The following RSRC1 variants were observed in gnomAD, a reference collection of about 807,000 sequenced individuals.
RSRC1 encodes arginine and serine rich coiled-coil 1.
RSRC1 carries 39 observed loss-of-function variants against 49.1 expected under a neutral mutation model. The observed-to-expected ratio is 0.79, with a 90% CI of 0.61 to 1.04. The LOEUF is 1.04. Ranked by LOEUF, RSRC1 falls within the 50% of genes least tolerant of loss-of-function variation. The pLI is 0.00. For synonymous variants in RSRC1, 143 were observed against 130.8 expected (o/e 1.09, Z -0.63); for missense variants, 388 against 402.4 (o/e 0.96, Z 0.31).
At chr3:158,140,961 G>GC (rs1233660499) in intron 3 of RSRC1, among the ~76,000 whole-genome samples, 2 of 152,142 alleles carry the variant, frequency 1.3e-5, no homozygotes, top group African/African-American at 4.8e-5. Context: ...AAGCTCTCAG[G>GC]CACCAGAGAG....
chr3:158,228,827 G>A (rs1178073762), intron 4 of RSRC1, among the ~76,000 whole-genome samples: 1 of 136,610 alleles, frequency 7.3e-6, no homozygotes, highest in Non-Finnish European at 1.6e-5. Context: ...ATAGACACAC[G>A]TGTGTATATA....
intron 4 of RSRC1, among the ~76,000 whole-genome samples, chr3:158,213,215 G>A (rs1721778010): frequency 1.3e-5 from 2 of 151,952 alleles, no homozygotes; most frequent in African/African-American, 4.8e-5. Context: ...TATAAAATGA[G>A]TATAGCCAGA....
chr3:158,128,137 T>C (rs148131369), intron 3 of RSRC1, among the ~76,000 whole-genome samples: 35 of 152,320 alleles, frequency 2.3e-4, no homozygotes, highest in African/African-American at 7.7e-4. Flanking sequence ...TAACCTGTGC[T>C]GTTTCCATTA....
chr3:158,132,267 T>A, intron 3 of RSRC1: 3 of 263,724 alleles, frequency 1.1e-5, no homozygotes, highest in South Asian at 1.0e-4. Flanking sequence ...ATTACAGGTA[T>A]GTGCCACCCT....
intron 6 of RSRC1, among the ~76,000 whole-genome samples, chr3:158,381,191 C>G (rs9852177): frequency 0.093 from 14,074 of 152,102 alleles, 2,218 homozygotes; most frequent in African/African-American, 0.33. Context: ...ATGCATTGTG[C>G]CATTTGCATA....
intron 4 of RSRC1, among the ~76,000 whole-genome samples, chr3:158,261,630 C>T (rs149383564): frequency 1.1e-3 from 166 of 152,320 alleles, no homozygotes; most frequent in African/African-American, 3.8e-3. Flanking sequence ...CACTCACCAT[C>T]GCTTGCATTA....
chr3:158,420,850 C>G (rs1472646577), intron 6 of RSRC1, among the ~76,000 whole-genome samples: 1 of 151,826 alleles, frequency 6.6e-6, no homozygotes, highest in African/African-American at 2.4e-5. Context: ...CTGTTAGATG[C>G]TAGGAGACAG....
intron 7 of RSRC1, among the ~76,000 whole-genome samples, chr3:158,498,244 T>C (rs540903878): frequency 2.2e-4 from 34 of 152,122 alleles, no homozygotes; most frequent in African/African-American, 7.5e-4. Context: ...TTTTTTTTTT[T>C]TTTATGGCCG....
intron 3 of RSRC1, among the ~76,000 whole-genome samples, chr3:158,188,567 CA>C (rs1720055825): frequency 6.6e-6 from 1 of 151,952 alleles, no homozygotes; most frequent in Admixed American, 6.6e-5. Flanking sequence ...TTTTGGGAAT[CA>C]TAATCCTAGG....
intron 4 of RSRC1, among the ~76,000 whole-genome samples, chr3:158,273,770 G>A (rs569336411): frequency 1.3e-5 from 2 of 152,218 alleles, no homozygotes; most frequent in African/African-American, 4.8e-5. Flanking sequence ...GGGAAAATAT[G>A]TAGAACCAGT....
intron 3 of RSRC1, among the ~76,000 whole-genome samples, chr3:158,190,041 C>T (rs1042139682): frequency 4.0e-5 from 6 of 151,710 alleles, no homozygotes; most frequent in African/African-American, 1.5e-4. Flanking sequence ...TGGGATGTAA[C>T]ATGGCCAACA....
intron 4 of RSRC1, among the ~76,000 whole-genome samples, chr3:158,203,543 A>C (rs982281734): frequency 6.6e-6 from 1 of 152,164 alleles, no homozygotes; most frequent in Non-Finnish European, 1.5e-5. Context: ...AAATTTGCCT[A>C]ATTCTGTAGG....
intron 7 of RSRC1, among the ~76,000 whole-genome samples, chr3:158,524,362 A>G (rs959999206): frequency 8.5e-5 from 13 of 152,136 alleles, no homozygotes; most frequent in East Asian, 7.8e-4. Context: ...TTCACCTTCA[A>G]TATCATCTCA....
At chr3:158,111,455 T>G (rs1448344107) in intron 1 of RSRC1, among the ~76,000 whole-genome samples, 1 of 152,250 alleles carries the variant, frequency 6.6e-6, no homozygotes, top group Non-Finnish European at 1.5e-5. Flanking sequence ...AGTAGATCTA[T>G]AGTTGTATTT....
At chr3:158,151,413 C>A (rs1213902097) in intron 3 of RSRC1, among the ~76,000 whole-genome samples, 2 of 152,138 alleles carry the variant, frequency 1.3e-5, no homozygotes, top group Non-Finnish European at 2.9e-5. Flanking sequence ...ATGGAGGGCA[C>A]CTCTTCAGTG....
chr3:158,219,598 A>C (rs1041060042), intron 4 of RSRC1, among the ~76,000 whole-genome samples: 1 of 151,636 alleles, frequency 6.6e-6, no homozygotes, highest in African/African-American at 2.4e-5. Context: ...ATAAATAAAT[A>C]AGAAAGGGAT....
chr3:158,115,570 A>G (rs373908475), intron 1 of RSRC1, among the ~76,000 whole-genome samples: 1 of 152,204 alleles, frequency 6.6e-6, no homozygotes, highest in African/African-American at 2.4e-5. Flanking sequence ...TCATGAATTC[A>G]TTTAATAACA....
chr3:158,357,353 A>T (rs1465915757), intron 6 of RSRC1, among the ~76,000 whole-genome samples: 1 of 152,144 alleles, frequency 6.6e-6, no homozygotes, highest in Non-Finnish European at 1.5e-5. Context: ...GGCTTTTTGT[A>T]CATTTTTGCT....
intron 4 of RSRC1, among the ~76,000 whole-genome samples, chr3:158,247,553 C>G (rs1723974212): frequency 1.3e-5 from 2 of 152,144 alleles, no homozygotes; most frequent in Admixed American, 1.3e-4. Flanking sequence ...TTTGAGGTTG[C>G]TGACCTTTGG....
Sources: gnomAD v4.1 joint callset for allele counts (sites outside exome capture counted in the v4.1 genomes callset) on GRCh38, gnomAD v4.1.1 for gene constraint, MANE v1.5 for transcripts, NCBI Gene and HGNC (gene_info 2026-07-23, HGNC 2026-07-21) for gene names.